Variants in FHDC1 observed in about 807,000 individuals in gnomAD.
The protein encoded by FHDC1 is FH2 domain containing 1.
In FHDC1, 25 loss-of-function variants were observed where a neutral mutation model predicts 52.6. The ratio of observed to expected loss-of-function variants is 0.48; its 90% confidence interval spans 0.35 to 0.66. The LOEUF (loss-of-function observed/expected upper bound fraction) is 0.66, where lower values mean the gene tolerates loss of function less well. Ranked by LOEUF, FHDC1 falls within the 30% of genes least tolerant of loss-of-function variation. The pLI is 0.01. For missense variants in FHDC1, 1,459 were observed against 1,452.8 expected (o/e 1.00, Z -0.07); for synonymous variants, 616 against 581.5 (o/e 1.06, Z -0.85).
chr4:152,967,932 A>G, intron 9 of FHDC1, 48 bp from the exon 10 acceptor site: 1 of 1,405,508 alleles, frequency 7.1e-7, no homozygotes, highest in Non-Finnish European at 1.0e-6. Flanking sequence ...CCTACATGAC[A>G]CATGGCTTCC....
upstream of FHDC1, among the ~76,000 whole-genome samples, chr4:152,936,120 C>T (rs368223737): frequency 1.4e-3 from 206 of 152,182 alleles, 7 homozygotes; most frequent in South Asian, 0.041. Flanking sequence ...TCCCCCGGGG[C>T]CCCGCGCAGG....
chr4:152,943,876 G>A (rs929542944), intron 2 of FHDC1, among the ~76,000 whole-genome samples: 4 of 95,550 alleles, frequency 4.2e-5, no homozygotes, highest in East Asian at 2.9e-4. Flanking sequence ...GCTCAAGTCC[G>A]GATTGTTAGT....
chr4:152,931,213 T>G, the FHDC1 span, among the ~76,000 whole-genome samples: 1 of 152,270 alleles, frequency 6.6e-6, no homozygotes, highest in East Asian at 1.9e-4. Flanking sequence ...ACTCATATAC[T>G]GTTTTCTGGT....
intron 2 of FHDC1, among the ~76,000 whole-genome samples, chr4:152,951,771 A>G (rs752574437): frequency 6.6e-6 from 1 of 152,238 alleles, no homozygotes; most frequent in Non-Finnish European, 1.5e-5. Context: ...ACAAACGGGA[A>G]AAAACTGCAG....
At position 152,943,021 on chromosome 4, in the gene FHDC1, A is replaced by C. The variant is rs1365248708; in HGVS notation, c.-37A>C. On this transcript the variant is annotated 5_prime_UTR_variant, in exon 2 of 12. Transcript: ENST00000511601. ...TTTGATGTTTGTGTCTTCTTCTCCA[A>C]GGCCAAGAAATTATCTCCATAGGAG... is the stretch of plus-strand genomic sequence containing the variant. The C allele has an allele frequency of 6.4e-7, 1 of 1,561,606 alleles. No individual in the cohort carries two copies. The highest frequency in any genetic ancestry group is 8.7e-7 in the Non-Finnish European group (1 of 1,150,930).
chr4:152,954,254 A>G lies in FHDC1; in HGVS notation c.598A>G (p.Lys200Glu). The G allele has an allele frequency of 6.2e-7, 1 of 1,614,188 alleles. No homozygotes were observed. The highest frequency in any genetic ancestry group is 8.5e-7 in the Non-Finnish European group (1 of 1,180,012). ...RSIVEDIHQG[K>E]SEHYGSETLR... is the part of the protein sequence containing the mutation. Reference sequence around the variant, plus strand: ...CATTGTAGAAGATATTCATCAAGGAAAAAGTGAGCATTATGGATCAGAGAC... The same window carrying G: ...CATTGTAGAAGATATTCATCAAGGAGAAAGTGAGCATTATGGATCAGAGAC... The change falls in exon 4 of 12, where the codon AAA becomes GAA. Residue 200 changes from lysine (K) to glutamate (E), a missense_variant. This residue lies in a region of FHDC1 where 513 missense variants were observed against 581.5 expected (regional missense o/e 0.88). Coordinates refer to ENST00000511601, the MANE Select transcript of FHDC1 (RefSeq NM_001371116.1).
intron 2 of FHDC1, 109 bp downstream of exon 2, chr4:152,943,664 T>A: frequency 7.8e-7 from 1 of 1,287,300 alleles, no homozygotes; most frequent in Non-Finnish European, 1.1e-6. Flanking sequence ...AATGAGATAA[T>A]ACAAGCGAAT....
At chr4:152,970,527 C>T (rs776018318) in intron 10 of FHDC1, among the ~76,000 whole-genome samples, 5 of 152,188 alleles carry the variant, frequency 3.3e-5, no homozygotes, top group South Asian at 2.1e-4. Context: ...ATGAAACATA[C>T]GAGGTGGAGC....
At chr4:152,926,736 T>C in the FHDC1 span, among the ~76,000 whole-genome samples, 1 of 151,736 alleles carries the variant, frequency 6.6e-6, no homozygotes, top group African/African-American at 2.4e-5. Flanking sequence ...TCAGAGGCCT[T>C]GTTCCCCACA....
chr4:152,976,158 G>C lies in FHDC1; in HGVS notation c.2867G>C (p.Arg956Thr). The change falls in exon 12 of 12, where the codon AGG becomes ACG. Residue 956 changes from arginine (R) to threonine (T), a missense_variant. By Grantham distance (71) the Arg-to-Thr change is moderately conservative (BLOSUM62 -1). Coordinates refer to ENST00000511601, the MANE Select transcript of FHDC1 (RefSeq NM_001371116.1). ...RRASTGAEEQ[R>T]LPRGSSGSSS... ...GCCTCCACAGGCGCCGAAGAGCAGA[G>C]GCTGCCGCGGGGGAGCAGCGGCTCC... The C allele has an allele frequency of 6.2e-7, 1 of 1,611,992 alleles. No individual in the cohort carries two copies. The highest frequency in any genetic ancestry group is 8.5e-7 in the Non-Finnish European group (1 of 1,179,502).
At chr4:152,915,227 C>A in the FHDC1 span, among the ~76,000 whole-genome samples, 1 of 152,138 alleles carries the variant, frequency 6.6e-6, no homozygotes, top group Non-Finnish European at 1.5e-5. Context: ...CAACTCCTTG[C>A]ATAGTTTTCT....
chr4:152,923,477 A>G, the FHDC1 span, among the ~76,000 whole-genome samples: 1 of 152,180 alleles, frequency 6.6e-6, no homozygotes, highest in South Asian at 2.1e-4. Context: ...CAAGCTACCA[A>G]TGACTTTCTT....
In FHDC1 at chr4:152,962,842, AAT is replaced by A; in HGVS notation, c.882_883del (p.Leu295ThrfsTer23). On this transcript the variant is annotated frameshift_variant, in exon 7 of 12. Coordinates refer to ENST00000511601, the MANE Select transcript of FHDC1 (RefSeq NM_001371116.1). LOFTEE classifies it high-confidence loss of function. ...TGATGTCATGTGAAGAGCTACATTC[AAT>A]ATTACACTTGGTGCTCCAGGCTGGG... is the stretch of plus-strand genomic sequence containing the variant. ...ELMSCEELHSILHLVLQAGNI... is the reference protein window; with the variant it reads ...ELMSCEELHSXLHLVLQAGNI... 2.5e-6 allele frequency: 4 copies of A among 1,614,072 alleles called. No homozygotes were observed. Among genetic ancestry groups the A allele is most frequent in the Non-Finnish European group, 3.4e-6 (4 of 1,180,006 alleles).
chr4:152,943,558 A>G lies in FHDC1; in HGVS notation c.498+3A>G. On this transcript the variant is annotated splice_donor_region_variant and intron_variant, in intron 2 of 11. Transcript: ENST00000511601. ...CCTTCAGAGAAGCTCGAGAAGAGGT[A>G]AGAATGCAAGGTGGAGGGCTAATCC... The G allele has an allele frequency of 6.2e-7, 1 of 1,608,450 alleles. No individual in the cohort carries two copies. The highest frequency in any genetic ancestry group is 1.1e-5 in the South Asian group (1 of 90,352).
intron 6 of FHDC1, 81 bp downstream of exon 6, chr4:152,960,925 G>A (rs1031947722): frequency 3.0e-6 from 3 of 995,828 alleles, no homozygotes; most frequent in East Asian, 5.1e-5. Flanking sequence ...AATGAAATTG[G>A]ACATGGAAAG....
the FHDC1 span, among the ~76,000 whole-genome samples, chr4:152,914,891 CT>C: frequency 5.2e-3 from 761 of 145,808 alleles, 5 homozygotes; most frequent in East Asian, 0.045. Flanking sequence ...TCTGTAAAAA[CT>C]TTTTTTTTTT....
At chr4:152,915,754 T>C in the FHDC1 span, among the ~76,000 whole-genome samples, 2 of 152,118 alleles carry the variant, frequency 1.3e-5, no homozygotes, top group African/African-American at 4.8e-5. Context: ...GCTAATATCA[T>C]TAGGTGAGAG....
intron 1 of FHDC1, among the ~76,000 whole-genome samples, chr4:152,937,701 C>A (rs1239373557): frequency 6.6e-6 from 1 of 151,906 alleles, no homozygotes; most frequent in Non-Finnish European, 1.5e-5. Context: ...GTGTGGGCGT[C>A]GATCTCAGCG....
chr4:152,911,923 G>A, the FHDC1 span: 2 of 152,360 alleles, frequency 1.3e-5, no homozygotes, highest in Admixed American at 1.3e-4. Flanking sequence ...TCGTTTCTCT[G>A]GACCTTCATA....
Sources: allele counts gnomAD v4.1 joint callset (sites outside exome capture counted in the v4.1 genomes callset), GRCh38; gene constraint gnomAD v4.1.1; regional missense constraint gnomAD v4.1.1; transcripts MANE v1.5; gene names NCBI Gene and HGNC (gene_info 2026-07-23, HGNC 2026-07-21).